OXNAD1: variants seen among roughly 807,000 people sequenced by gnomAD.
The protein encoded by OXNAD1 is oxidoreductase NAD binding domain containing 1, also known as oxidoreductase NAD-binding domain-containing protein 1.
In OXNAD1, 34 loss-of-function variants were observed where a neutral mutation model predicts 32.9. The observed-to-expected ratio is 1.03, with a 90% CI of 0.79 to 1.38. The LOEUF (loss-of-function observed/expected upper bound fraction) is 1.38. Ranked by LOEUF, OXNAD1 falls within the 40% of genes most tolerant of loss-of-function variation. The pLI is 0.00. For missense variants in OXNAD1, 407 were observed against 379.4 expected, an observed-to-expected ratio of 1.07 and a Z score of -0.60; for synonymous variants, 134 against 135.2, an observed-to-expected ratio of 0.99 and a Z score of 0.06.
downstream of OXNAD1, chr3:16,337,369 G>A (rs2070955374): frequency 1.3e-5 from 2 of 152,132 alleles, no homozygotes; most frequent in South Asian, 4.1e-4. The surrounding 1 kb of genome is among the most constrained non-coding windows in gnomAD (Gnocchi z 5.0). Context: ...GAAGCTAACT[G>A]GTGTATTACT....
At position 16,269,133 on chromosome 3, in the gene OXNAD1, G is replaced by A. The variant is rs554421174; in HGVS notation, c.-151G>A. ...TTGTTTGTGCCATTGCAGGAACTTT[G>A]TGAGAATTTTAATGCATGGAAAAGC... On this transcript the variant is annotated 5_prime_UTR_variant, in exon 2 of 9. In the 5' UTR this introduces an upstream ATG that the reference lacks. Coordinates refer to ENST00000285083, the MANE Select transcript of OXNAD1 (RefSeq NM_138381.5). 2.7e-6 allele frequency: 4 copies of A among 1,482,482 alleles called. No homozygotes were observed. Among genetic ancestry groups the A allele is most frequent in the African/African-American group, 2.8e-5 (2 of 70,566 alleles). 91.8% of individuals were successfully genotyped at this position (1,482,482 alleles called of 1,614,324 possible).
At chr3:16,338,922 C>G (rs1049354797), downstream of OXNAD1, among the ~76,000 whole-genome samples, 1 of 152,226 alleles carries the variant, frequency 6.6e-6, no homozygotes, top group Non-Finnish European at 1.5e-5. The surrounding 1 kb of genome is among the most constrained non-coding windows in gnomAD (Gnocchi z 5.3). Context: ...CTCCACCTGT[C>G]AGCAGTGGAT....
downstream of OXNAD1, among the ~76,000 whole-genome samples, chr3:16,309,094 C>T (rs1041466664): frequency 2.0e-5 from 3 of 152,270 alleles, no homozygotes; most frequent in East Asian, 3.9e-4. Context: ...GTATATTAAT[C>T]TTGTATACAT....
Position 16,320,853 on chromosome 3 carries a change from T to C in OXNAD1, c.*31-16259T>C, listed in dbSNP as rs1438857221. Among the ~76,000 whole-genome samples, 1 of 152,216 alleles carries C rather than the reference T, an allele frequency of 6.6e-6. No homozygotes were observed. Among genetic ancestry groups the C allele is most frequent in the African/African-American group, 2.4e-5 (1 of 41,450 alleles). ...ACAGTACTGATTTCCATCTTTGTCT[T>C]CAGAGTCATACAAAACTAGAACTCC... On this transcript the variant is annotated intron_variant, in intron 9 of 9. Coordinates refer to the OXNAD1 transcript ENST00000435829. This position sits in a 1 kb window ranked among gnomAD's most constrained non-coding sequence, Gnocchi z 4.5.
chr3:16,293,232 T>TA (rs1263629064), intron 5 of OXNAD1, among the ~76,000 whole-genome samples: 1 of 152,236 alleles, frequency 6.6e-6, no homozygotes, highest in Non-Finnish European at 1.5e-5. Context: ...GTGTAAGTCT[T>TA]ACACTTATTT....
chr3:16,268,619 C>T (rs980631130), intron 1 of OXNAD1, among the ~76,000 whole-genome samples: 1 of 152,148 alleles, frequency 6.6e-6, no homozygotes, highest in Non-Finnish European at 1.5e-5. Flanking sequence ...ATATGAGCCA[C>T]TGTGCCCGGG....
chr3:16,272,590 T>G (rs1225901162), intron 4 of OXNAD1, among the ~76,000 whole-genome samples: 2 of 152,038 alleles, frequency 1.3e-5, no homozygotes, highest in Non-Finnish European at 2.9e-5. Context: ...GGCTAACTTC[T>G]TTCAGAAAGT....
intron 4 of OXNAD1, among the ~76,000 whole-genome samples, chr3:16,282,675 G>A (rs2065830700): frequency 6.6e-6 from 1 of 152,108 alleles, no homozygotes; most frequent in African/African-American, 2.4e-5. Context: ...CTTGGCACAT[G>A]CTGAATGACC....
chr3:16,350,974 G>A (rs1364595155), downstream of OXNAD1, among the ~76,000 whole-genome samples: 1 of 152,170 alleles, frequency 6.6e-6, no homozygotes, highest in Non-Finnish European at 1.5e-5. Context: ...GATTCTTAAA[G>A]AGATGGTTGG....
intron 4 of OXNAD1, among the ~76,000 whole-genome samples, chr3:16,279,321 GTGTAACTAACTCTTC>G (rs2065582139): frequency 6.6e-6 from 1 of 152,178 alleles, no homozygotes; most frequent in African/African-American, 2.4e-5. Context: ...CCCTAGGGGT[GTGTAACTAACTCTTC>G]TGTGAGTTGA....
intron 2 of OXNAD1, among the ~76,000 whole-genome samples, chr3:16,270,321 G>T (rs1239599837): frequency 6.6e-6 from 1 of 152,144 alleles, no homozygotes; most frequent in Non-Finnish European, 1.5e-5. Context: ...TATGTTATTT[G>T]TGGTAATTCA....
downstream of OXNAD1, among the ~76,000 whole-genome samples, chr3:16,337,772 CTCATT>C (rs200115045): frequency 1.3e-4 from 20 of 152,052 alleles, no homozygotes; most frequent in East Asian, 3.5e-3. The surrounding 1 kb of genome is among the most constrained non-coding windows in gnomAD (Gnocchi z 5.0). Flanking sequence ...AGAAAGTCAC[CTCATT>C]TGATTTGAGA....
chr3:16,291,754 C>A (rs1575114941), intron 5 of OXNAD1, among the ~76,000 whole-genome samples: 2 of 152,316 alleles, frequency 1.3e-5, no homozygotes, highest in East Asian at 3.9e-4. Context: ...TAGGTCTAAA[C>A]CTAGGCATGG....
rs550947878 is a variant in OXNAD1, at chr3:16,290,606, A to G, written c.290+4158A>G. Among the ~76,000 whole-genome samples, 5 of 152,366 alleles carry G rather than the reference A, an allele frequency of 3.3e-5. No homozygotes were observed. The highest frequency in any genetic ancestry group is 7.4e-5 in the Non-Finnish European group (5 of 68,026). On this transcript the variant is annotated intron_variant, in intron 5 of 8. Coordinates refer to ENST00000285083, the MANE Select transcript of OXNAD1 (RefSeq NM_138381.5). The surrounding 1 kb of genome is among the most constrained non-coding windows in gnomAD (Gnocchi z 4.2). The stretch of plus-strand genomic sequence containing the variant: ...TTGTATACCTCCTCTGTGATAGCAT[A>G]TAGCAACTGTGTTAACAAATGCTAA...
intron 9 of OXNAD1, among the ~76,000 whole-genome samples, chr3:16,347,169 C>A (rs1469868723): frequency 6.6e-6 from 1 of 152,224 alleles, no homozygotes; most frequent in African/African-American, 2.4e-5. Flanking sequence ...CTCCCTTCAA[C>A]CCATTGCAAA....
intron 5 of OXNAD1, among the ~76,000 whole-genome samples, chr3:16,286,757 G>A (rs752472004): frequency 2.6e-5 from 4 of 152,182 alleles, no homozygotes; most frequent in Non-Finnish European, 5.9e-5. Context: ...GACTCTTCAG[G>A]AATGGTTGCT....
In OXNAD1 at chr3:16,277,954, A is replaced by C. The variant is rs112733199; in HGVS notation, c.183+6232A>C. Among the ~76,000 whole-genome samples the C allele has an allele frequency of 6.6e-6, 1 of 152,218 alleles. No individual in the cohort carries two copies. Among genetic ancestry groups the C allele is most frequent in the East Asian group, 1.9e-4 (1 of 5,200 alleles). ...ATGTCAAGGAGATAAAGATAGAAAT[A>C]CTGTAATGCAGTAAAGATTGTTCAG... On this transcript the variant is annotated intron_variant, in intron 4 of 8. Coordinates refer to ENST00000285083, the MANE Select transcript of OXNAD1 (RefSeq NM_138381.5). The surrounding 1 kb of genome is among the most constrained non-coding windows in gnomAD (Gnocchi z 4.3).
chr3:16,310,907 T>C (rs1330212869), downstream of OXNAD1, among the ~76,000 whole-genome samples: 5 of 149,750 alleles, frequency 3.3e-5, no homozygotes, highest in African/African-American at 7.4e-5. Flanking sequence ...AGAGAATTGC[T>C]TGAACCTGGG....
chr3:16,338,402 CTG>C (rs2071066450), downstream of OXNAD1, among the ~76,000 whole-genome samples: 1 of 152,226 alleles, frequency 6.6e-6, no homozygotes, highest in South Asian at 2.1e-4. The surrounding 1 kb of genome is among the most constrained non-coding windows in gnomAD (Gnocchi z 5.3). Flanking sequence ...GCAGTTCTGA[CTG>C]TGGTTAAGCA....
Sources: allele counts gnomAD v4.1 joint callset (sites outside exome capture counted in the v4.1 genomes callset), GRCh38; gene constraint gnomAD v4.1.1; non-coding constraint Gnocchi (gnomAD v3.1); transcripts MANE v1.5; gene names NCBI Gene and HGNC (gene_info 2026-07-23, HGNC 2026-07-21).